Variants in STXBP5L observed in about 807,000 individuals in gnomAD.
STXBP5L encodes the protein syntaxin binding protein 5L.
STXBP5L carries 65 observed loss-of-function variants against 144.5 expected under a neutral mutation model. That is an observed-to-expected ratio of 0.45 (90% CI 0.37 to 0.55). The LOEUF (loss-of-function observed/expected upper bound fraction) is 0.55, where lower values mean the gene tolerates loss of function less well. Among genes scored for constraint, STXBP5L ranks in the 20% least tolerant of loss-of-function variants. STXBP5L has a pLI of 0.00. For synonymous variants in STXBP5L, 505 were observed against 469.6 expected (o/e 1.08, Z -0.97); for missense variants, 1,298 against 1,405.5 (o/e 0.92, Z 1.22).
intron 2 of STXBP5L, among the ~76,000 whole-genome samples, chr3:120,924,304 G>A (rs901825173): frequency 4.6e-5 from 7 of 152,056 alleles, no homozygotes; most frequent in Admixed American, 1.3e-4. Flanking sequence ...ATGCTAGAGG[G>A]CAAAATATTT....
intron 19 of STXBP5L, among the ~76,000 whole-genome samples, chr3:121,305,326 C>T (rs933022651): frequency 7.9e-5 from 12 of 152,036 alleles, no homozygotes; most frequent in African/African-American, 2.9e-4. Context: ...GAAACCAGCA[C>T]AATGTTGATA....
At chr3:121,080,556 A>C (rs1410290175) in intron 5 of STXBP5L, among the ~76,000 whole-genome samples, 1 of 152,132 alleles carries the variant, frequency 6.6e-6, no homozygotes, top group Admixed American at 6.5e-5. Context: ...TCTGAAAAAG[A>C]CTTTATCTCT....
chr3:120,922,262 A>T (rs1709394462), intron 2 of STXBP5L, among the ~76,000 whole-genome samples: 1 of 151,714 alleles, frequency 6.6e-6, no homozygotes, highest in Non-Finnish European at 1.5e-5. Flanking sequence ...CTTTGTTCAG[A>T]TTGTTCACTG....
intron 2 of STXBP5L, among the ~76,000 whole-genome samples, chr3:120,920,651 C>T (rs1210864561): frequency 6.6e-6 from 1 of 151,352 alleles, no homozygotes; most frequent in Non-Finnish European, 1.5e-5. Flanking sequence ...CTTCATTTTC[C>T]CACCCTCCTT....
intron 9 of STXBP5L, among the ~76,000 whole-genome samples, chr3:121,171,296 C>G (rs2046706158): frequency 6.6e-6 from 1 of 152,110 alleles, no homozygotes; most frequent in African/African-American, 2.4e-5. Context: ...AAAACTGGCA[C>G]AAGACAAGGA....
intron 7 of STXBP5L, among the ~76,000 whole-genome samples, chr3:121,130,588 G>A (rs1302504039): frequency 1.3e-5 from 2 of 152,054 alleles, no homozygotes; most frequent in Non-Finnish European, 2.9e-5. Context: ...ACAAGTCAGA[G>A]GATTGGTTGC....
chr3:121,416,551 A>T (rs1168382736), intron 25 of STXBP5L, among the ~76,000 whole-genome samples: 1 of 150,852 alleles, frequency 6.6e-6, no homozygotes, highest in African/African-American at 2.4e-5. Flanking sequence ...TCTGTTGCCC[A>T]GGCTGGAGTG....
intron 5 of STXBP5L, among the ~76,000 whole-genome samples, chr3:121,075,995 T>C (rs1306066603): frequency 6.6e-6 from 1 of 152,250 alleles, no homozygotes; most frequent in Non-Finnish European, 1.5e-5. Flanking sequence ...ATGGACTGCA[T>C]TAGATCTATA....
At chr3:121,391,720 A>G (rs1477317589) in intron 22 of STXBP5L, among the ~76,000 whole-genome samples, 1 of 152,202 alleles carries the variant, frequency 6.6e-6, no homozygotes, top group African/African-American at 2.4e-5. Context: ...CAGAAGCTGC[A>G]GAACAGCAAA....
In STXBP5L at chr3:120,959,855, C is replaced by A. The variant is rs377239748; in HGVS notation, c.287+4818C>A. Among the ~76,000 whole-genome samples the A allele has an allele frequency of 7.9e-5, 12 of 152,256 alleles. No individual in the cohort carries two copies. In the East Asian group the frequency reaches 1.2e-3, roughly 15 times the overall value. Reference sequence around the variant, plus strand: ...AGGACATAGGCATGGGCAAGGACTTCATGACTAAAACACCAAAAGCAATGG... The same window carrying A: ...AGGACATAGGCATGGGCAAGGACTTAATGACTAAAACACCAAAAGCAATGG... On this transcript the variant is annotated intron_variant, in intron 3 of 26. Transcript: ENST00000471454.
At position 121,279,891 on chromosome 3, in the gene STXBP5L, A is replaced by G. The variant is rs774156602; in HGVS notation, c.2045A>G (p.Tyr682Cys). 6.2e-7 allele frequency: 1 copy of G among 1,612,712 alleles called. No individual in the cohort carries two copies. Among genetic ancestry groups the G allele is most frequent in the Non-Finnish European group, 8.5e-7 (1 of 1,178,990 alleles). ...TTAAGCATGGGGACCATTGACCTAT[A>G]TAGATCAAGTGACTTATACCAGCGA... ...VLLSMGTIDL[Y>C]RSSDLYQRQP... is the part of the protein sequence containing the mutation. Residue 682 changes from tyrosine to cysteine, a missense_variant, in exon 19 of 27, where the codon TAT becomes TGT. Transcript: ENST00000471454.
At chr3:121,415,076 T>A (rs566134429) in intron 24 of STXBP5L, among the ~76,000 whole-genome samples, 1 of 152,250 alleles carries the variant, frequency 6.6e-6, no homozygotes, top group East Asian at 1.9e-4. Flanking sequence ...AGGGAGATGA[T>A]GCAATTAAAA....
At chr3:121,229,105 C>T (rs1463820745) in intron 11 of STXBP5L, among the ~76,000 whole-genome samples, 1 of 152,158 alleles carries the variant, frequency 6.6e-6, no homozygotes, top group Non-Finnish European at 1.5e-5. Context: ...CTATGGATTA[C>T]TGAGACACCC....
chr3:121,109,967 C>T (rs2043901677), intron 5 of STXBP5L, among the ~76,000 whole-genome samples: 1 of 152,116 alleles, frequency 6.6e-6, no homozygotes, highest in Non-Finnish European at 1.5e-5. Flanking sequence ...ATGTAATGCC[C>T]TTCTTTGTCT....
intron 3 of STXBP5L, among the ~76,000 whole-genome samples, chr3:121,022,471 G>T (rs1412018533): frequency 6.6e-6 from 1 of 152,006 alleles, no homozygotes; most frequent in Non-Finnish European, 1.5e-5. Flanking sequence ...GTAAACTATA[G>T]ACTAATATCC....
intron 20 of STXBP5L, among the ~76,000 whole-genome samples, chr3:121,343,746 A>G (rs889784867): frequency 6.6e-6 from 1 of 152,200 alleles, no homozygotes; most frequent in African/African-American, 2.4e-5. Flanking sequence ...AGGAAATAAA[A>G]GAGGACATAA....
In STXBP5L at chr3:121,045,447, A is replaced by G; in HGVS notation, c.382A>G (p.Ser128Gly). ...QFLINEGALVSASSDDTLHLW... is the reference protein window; with the variant it reads ...QFLINEGALVGASSDDTLHLW... ...CTTTTTGTTCTAGGGTGCCTTGGTC[A>G]GTGCAAGTTCAGATGATACACTTCA... The change falls in exon 5 of 27, where the codon AGT becomes GGT. Residue 128 changes from serine to glycine, a missense_variant. Coordinates refer to ENST00000471454, the MANE Select transcript of STXBP5L (RefSeq NM_001308330.2). 1 of 1,610,148 alleles carries G rather than the reference A, an allele frequency of 6.2e-7. No individual in the cohort carries two copies. Among genetic ancestry groups the G allele is most frequent in the Non-Finnish European group, 8.5e-7 (1 of 1,178,304 alleles).
At chr3:121,002,944 C>G (rs919276247) in intron 3 of STXBP5L, among the ~76,000 whole-genome samples, 1 of 152,124 alleles carries the variant, frequency 6.6e-6, no homozygotes, top group Non-Finnish European at 1.5e-5. Flanking sequence ...TTTTCTTGAT[C>G]CAGTCTATTA....
chr3:121,105,233 T>C (rs2043638112), intron 5 of STXBP5L, among the ~76,000 whole-genome samples: 1 of 151,824 alleles, frequency 6.6e-6, no homozygotes, highest in African/African-American at 2.4e-5. Flanking sequence ...CCATCTCTAC[T>C]AAAAATACAA....
Sources: gnomAD v4.1 joint callset for allele counts (sites outside exome capture counted in the v4.1 genomes callset) on GRCh38, gnomAD v4.1.1 for gene constraint, MANE v1.5 for transcripts, NCBI Gene and HGNC (gene_info 2026-07-23, HGNC 2026-07-21) for gene names.